LRP1B: variants seen among roughly 807,000 people sequenced by gnomAD.
The protein encoded by LRP1B is LDL receptor related protein 1B.
Under a neutral mutation model 556.6 loss-of-function variants are expected in LRP1B, and 217 were observed. The ratio of observed to expected loss-of-function variants is 0.39; its 90% confidence interval spans 0.35 to 0.44. LRP1B has a LOEUF of 0.44. Ranked by LOEUF, LRP1B falls within the 20% of genes least tolerant of loss-of-function variation. The pLI, the probability that LRP1B is intolerant of heterozygous loss-of-function variation, is 1.00. For synonymous variants in LRP1B, 2,047 were observed against 1,865.8 expected (o/e 1.10, Z -2.50); for missense variants, 5,053 against 5,620.8 (o/e 0.90, Z 3.23).
chr2:140,765,753 T>A (rs2104925664), intron 35 of LRP1B, among the ~76,000 whole-genome samples: 1 of 152,302 alleles, frequency 6.6e-6, no homozygotes, highest in South Asian at 2.1e-4. Flanking sequence ...CTGTTAATTC[T>A]TATGAAATGC....
intron 14 of LRP1B, among the ~76,000 whole-genome samples, 195 bp from the exon 15 acceptor site, chr2:141,005,652 A>G (rs1697552256): frequency 6.6e-6 from 1 of 151,994 alleles, no homozygotes; most frequent in Non-Finnish European, 1.5e-5. Flanking sequence ...AGATAAGGAG[A>G]ATTTTCTCAT....
At chr2:141,452,649 C>T (rs1681463367) in intron 3 of LRP1B, among the ~76,000 whole-genome samples, 1 of 152,104 alleles carries the variant, frequency 6.6e-6, no homozygotes, top group Non-Finnish European at 1.5e-5. Context: ...AAGAAGTTTC[C>T]CAGGTACCTG....
intron 1 of LRP1B, among the ~76,000 whole-genome samples, chr2:142,065,907 C>T (rs1338445766): frequency 1.3e-5 from 2 of 151,420 alleles, no homozygotes; most frequent in African/African-American, 2.4e-5. Context: ...GTGAGAGTCT[C>T]GGTATGACTC....
At chr2:141,431,881 T>C (rs888570316) in intron 3 of LRP1B, among the ~76,000 whole-genome samples, 1 of 152,184 alleles carries the variant, frequency 6.6e-6, no homozygotes, top group Admixed American at 6.6e-5. Flanking sequence ...TAAGATTTAC[T>C]ATACATAAGG....
intron 7 of LRP1B, among the ~76,000 whole-genome samples, chr2:141,077,951 G>A (rs1699832461): frequency 1.3e-5 from 2 of 150,490 alleles, no homozygotes; most frequent in Admixed American, 6.7e-5. Context: ...CTCAGAACTT[G>A]AGAGCTTCAG....
At chr2:141,283,427 GGAGGTGGGGA>G (rs1006064566) in intron 3 of LRP1B, among the ~76,000 whole-genome samples, 22 of 152,052 alleles carry the variant, frequency 1.4e-4, no homozygotes, top group Non-Finnish European at 1.5e-5. Context: ...GGAAGGCGGG[GGAGGTGGGGA>G]GGTGGTGAGG....
chr2:141,770,241 TC>T (rs1694857129), intron 2 of LRP1B, among the ~76,000 whole-genome samples: 1 of 152,196 alleles, frequency 6.6e-6, no homozygotes, highest in Non-Finnish European at 1.5e-5. Flanking sequence ...CTTATGCACT[TC>T]CCTTATTTAT....
intron 60 of LRP1B, among the ~76,000 whole-genome samples, chr2:140,467,612 C>CAAAAAA (rs36060070): frequency 1.2e-5 from 1 of 85,936 alleles, no homozygotes; most frequent in Non-Finnish European, 2.3e-5. Context: ...AACTCCATCT[C>CAAAAAA]AAAAAAAAAA....
chr2:140,321,400 T>G (rs1345799809), intron 82 of LRP1B, among the ~76,000 whole-genome samples: 1 of 150,948 alleles, frequency 6.6e-6, no homozygotes, highest in Non-Finnish European at 1.5e-5. Context: ...TGTTATGCCT[T>G]CCTTCATCAG....
chr2:141,461,207 G>A (rs532562706), intron 3 of LRP1B, among the ~76,000 whole-genome samples: 77 of 152,286 alleles, frequency 5.1e-4, no homozygotes, highest in Non-Finnish European at 8.4e-4. Flanking sequence ...GGTGAACTAG[G>A]AAGAAAACCA....
chr2:141,139,147 C>A (rs1701567072), intron 7 of LRP1B, among the ~76,000 whole-genome samples: 2 of 151,706 alleles, frequency 1.3e-5, no homozygotes, highest in East Asian at 1.9e-4. Flanking sequence ...CATCTATATG[C>A]AAAATATTCT....
chr2:141,209,032 C>T (rs1682424914), intron 6 of LRP1B, among the ~76,000 whole-genome samples: 3 of 151,418 alleles, frequency 2.0e-5, no homozygotes, highest in Non-Finnish European at 4.4e-5. Context: ...GATATATACA[C>T]TCATATTACA....
chr2:141,996,662 T>C (rs1471518274), intron 1 of LRP1B, among the ~76,000 whole-genome samples: 1 of 152,108 alleles, frequency 6.6e-6, no homozygotes, highest in African/African-American at 2.4e-5. Context: ...CCATGTGGAA[T>C]TTACCTTTAT....
chr2:141,018,159 A>G (rs1697961548), intron 12 of LRP1B, among the ~76,000 whole-genome samples: 1 of 152,116 alleles, frequency 6.6e-6, no homozygotes, highest in African/African-American at 2.4e-5. Flanking sequence ...CACATAAAAC[A>G]TAGGTTAATC....
intron 2 of LRP1B, among the ~76,000 whole-genome samples, chr2:141,793,977 GT>G (rs1695714222): frequency 6.6e-6 from 1 of 151,812 alleles, no homozygotes; most frequent in African/African-American, 2.4e-5. Context: ...AATTGTGGGA[GT>G]TAAAAGTTAA....
At chr2:141,648,269 T>C (rs1689656588) in intron 2 of LRP1B, among the ~76,000 whole-genome samples, 1 of 152,174 alleles carries the variant, frequency 6.6e-6, no homozygotes, top group South Asian at 2.1e-4. Flanking sequence ...TTGAGTCCAA[T>C]AATCACAAAG....
At chr2:140,415,452 C>T (rs1685151810) in intron 66 of LRP1B, among the ~76,000 whole-genome samples, 1 of 152,158 alleles carries the variant, frequency 6.6e-6, no homozygotes, top group African/African-American at 2.4e-5. Context: ...TGGTTTGAGG[C>T]TCAGGTGGGT....
At chr2:141,340,706 T>C (rs1688026193) in intron 3 of LRP1B, among the ~76,000 whole-genome samples, 1 of 152,208 alleles carries the variant, frequency 6.6e-6, no homozygotes, top group Non-Finnish European at 1.5e-5. Flanking sequence ...CAAATTATCC[T>C]AGCTCTCTAG....
intron 35 of LRP1B, among the ~76,000 whole-genome samples, chr2:140,768,751 T>C (rs748186875): frequency 6.6e-6 from 1 of 151,938 alleles, no homozygotes; most frequent in Non-Finnish European, 1.5e-5. Flanking sequence ...CAACAATAAT[T>C]TTCAGTGGTG....
Sources: allele counts gnomAD v4.1 joint callset (sites outside exome capture counted in the v4.1 genomes callset), GRCh38; gene constraint gnomAD v4.1.1; transcripts MANE v1.5; gene names NCBI Gene and HGNC (gene_info 2026-07-23, HGNC 2026-07-21).